The following LOC122539214 variants were observed in gnomAD, a reference collection of about 807,000 sequenced individuals.
the LOC122539214 span, among the ~76,000 whole-genome samples, chr19:52,665,661 A>AT: frequency 6.6e-6 from 1 of 151,866 alleles, no homozygotes; most frequent in Non-Finnish European, 1.5e-5. Flanking sequence ...TTCCATAATC[A>AT]TTTTTCCCAC....
At chr19:52,661,207 A>T in the LOC122539214 span, among the ~76,000 whole-genome samples, 1 of 152,074 alleles carries the variant, frequency 6.6e-6, no homozygotes. Flanking sequence ...CTGTGACAAA[A>T]CATACACAGG....
chr19:52,650,898 G>A, the LOC122539214 span: 1 of 152,144 alleles, frequency 6.6e-6, no homozygotes, highest in Non-Finnish European at 1.5e-5. Context: ...GGTCAAGGGA[G>A]GGAAATTGAA....
At chr19:52,689,655 C>T in the LOC122539214 span, among the ~76,000 whole-genome samples, 1 of 152,098 alleles carries the variant, frequency 6.6e-6, no homozygotes, top group Non-Finnish European at 1.5e-5. Context: ...TTCACTTTTG[C>T]TGTCTCTTGG....
the LOC122539214 span, among the ~76,000 whole-genome samples, chr19:52,683,271 TG>T: frequency 1.1e-5 from 1 of 92,072 alleles, no homozygotes; most frequent in Non-Finnish European, 2.5e-5. Context: ...TGTGTGTGTG[TG>T]TGTGTGTGTA....
the LOC122539214 span, among the ~76,000 whole-genome samples, chr19:52,689,473 ACT>A: frequency 6.6e-6 from 1 of 151,426 alleles, no homozygotes; most frequent in African/African-American, 2.4e-5. Context: ...CACCAGCACC[ACT>A]CTGCTCTGTC....
the LOC122539214 span, among the ~76,000 whole-genome samples, chr19:52,687,578 T>A: frequency 0.013 from 502 of 38,456 alleles, 22 homozygotes; most frequent in African/African-American, 0.042. Flanking sequence ...TATATAAATT[T>A]TATATATATA....
the LOC122539214 span, among the ~76,000 whole-genome samples, chr19:52,664,844 C>G: frequency 6.6e-6 from 1 of 151,752 alleles, no homozygotes; most frequent in Non-Finnish European, 1.5e-5. Flanking sequence ...TCTCACTCTC[C>G]GTGTTTCTGT....
the LOC122539214 span, among the ~76,000 whole-genome samples, chr19:52,660,354 C>T: frequency 3.9e-5 from 6 of 152,134 alleles, no homozygotes; most frequent in Admixed American, 6.5e-5. Context: ...TCACAGGCAG[C>T]CAGTGTGTTA....
chr19:52,686,441 C>A, the LOC122539214 span, among the ~76,000 whole-genome samples: 2 of 133,846 alleles, frequency 1.5e-5, no homozygotes, highest in African/African-American at 6.0e-5. Context: ...TTCTCAAACT[C>A]CAACTGCAAA....
At chr19:52,667,911 A>C in the LOC122539214 span, among the ~76,000 whole-genome samples, 1 of 152,364 alleles carries the variant, frequency 6.6e-6, no homozygotes, top group Non-Finnish European at 1.5e-5. Context: ...AAAATCATAC[A>C]TGAAGTGTTA....
At chr19:52,670,472 T>G in the LOC122539214 span, among the ~76,000 whole-genome samples, 3 of 152,176 alleles carry the variant, frequency 2.0e-5, no homozygotes, top group African/African-American at 4.8e-5. Flanking sequence ...TCTATATAAG[T>G]AAATTGCCTT....
chr19:52,687,554 GTAAATTTTATATATATA>G, the LOC122539214 span, among the ~76,000 whole-genome samples: 1 of 20,930 alleles, frequency 4.8e-5, no homozygotes, highest in Admixed American at 4.1e-4. Flanking sequence ...AATTATATGT[GTAAATTTTATATATATA>G]TAAATTTTAT....
At chr19:52,654,143 G>A in the LOC122539214 span, 1 of 1,605,766 alleles carries the variant, frequency 6.2e-7, no homozygotes, top group Non-Finnish European at 8.5e-7. Flanking sequence ...TCTTTAATAG[G>A]CTTGTTTCCA....
At chr19:52,652,379 GA>G in the LOC122539214 span, 1 of 319,236 alleles carries the variant, frequency 3.1e-6, no homozygotes, top group African/African-American at 2.2e-5. Context: ...AGGTTGCCGT[GA>G]GCCGAGATCA....
At chr19:52,673,034 A>C in the LOC122539214 span, among the ~76,000 whole-genome samples, 16 of 151,740 alleles carry the variant, frequency 1.1e-4, no homozygotes, top group Non-Finnish European at 2.2e-4. Context: ...GGTGGCTCAA[A>C]CCTATAAGCC....
the LOC122539214 span, among the ~76,000 whole-genome samples, chr19:52,676,424 G>A: frequency 1.3e-5 from 2 of 151,920 alleles, no homozygotes; most frequent in Non-Finnish European, 2.9e-5. Flanking sequence ...AGTGAGGAGC[G>A]TCTCTGCCTG....
the LOC122539214 span, among the ~76,000 whole-genome samples, chr19:52,680,347 C>T: frequency 2.6e-5 from 4 of 152,134 alleles, no homozygotes; most frequent in Non-Finnish European, 5.9e-5. Context: ...CTGTATAAAG[C>T]CCTCTGCGCA....
At chr19:52,666,239 AAG>A in the LOC122539214 span, among the ~76,000 whole-genome samples, 1 of 151,896 alleles carries the variant, frequency 6.6e-6, no homozygotes, top group Non-Finnish European at 1.5e-5. Flanking sequence ...AAGGGAGTCA[AAG>A]AGAGAGGGAG....
the LOC122539214 span, among the ~76,000 whole-genome samples, chr19:52,667,813 G>A: frequency 0.35 from 53,060 of 151,988 alleles, 9,826 homozygotes; most frequent in East Asian, 0.56. Flanking sequence ...ATTAACATTG[G>A]ATAAATATGT....
Sources: allele counts gnomAD v4.1 joint callset (sites outside exome capture counted in the v4.1 genomes callset), GRCh38; gene constraint gnomAD v4.1.1; transcripts MANE v1.5.